The following JAML variants were observed in gnomAD, a reference collection of about 807,000 sequenced individuals.
JAML encodes junctional adhesion molecule-like.
In JAML, 25 loss-of-function variants were observed where a neutral mutation model predicts 39.3. The observed-to-expected ratio is 0.64, with a 90% CI of 0.46 to 0.89. The LOEUF (loss-of-function observed/expected upper bound fraction) is 0.89, where lower values mean the gene tolerates loss of function less well. Ranked by LOEUF, JAML falls within the 40% of genes least tolerant of loss-of-function variation. JAML has a pLI of 0.00. For synonymous variants in JAML, 162 were observed against 179.2 expected (o/e 0.90, Z 0.77); for missense variants, 440 against 486.9 (o/e 0.90, Z 0.91).
chr11:118,204,587 C>G (rs1257291498), intron 5 of JAML: 1 of 152,200 alleles, frequency 6.6e-6, no homozygotes. Context: ...TGCAAGAACA[C>G]TCTTCCCCCT....
intron 4 of JAML, among the ~76,000 whole-genome samples, chr11:118,209,393 G>T (rs147112430): frequency 7.1e-4 from 108 of 152,280 alleles, no homozygotes; most frequent in Non-Finnish European, 1.3e-3. Flanking sequence ...CCCCTGCCCC[G>T]CTCTTACCCT....
chr11:118,216,262 G>A (rs1352201499), intron 1 of JAML, among the ~76,000 whole-genome samples: 1 of 151,942 alleles, frequency 6.6e-6, no homozygotes, highest in African/African-American at 2.4e-5. Flanking sequence ...TCCCAGCTAC[G>A]GGAGGCTGAG....
chr11:118,214,738 T>A, intron 2 of JAML, 86 bp downstream of exon 2: 1 of 1,405,658 alleles, frequency 7.1e-7, no homozygotes. Context: ...CCCAAGGGAA[T>A]CGAAAATATG....
chr11:118,194,217 G>C lies in JAML; in HGVS notation c.*108C>G, dbSNP rs1948604954. 2.1e-6 allele frequency: 2 copies of C among 962,400 alleles called. No homozygotes were observed. The highest frequency in any genetic ancestry group is 1.4e-5 in the South Asian group (1 of 73,666). The allele number at this position is 962,400 out of a possible 1,614,324, so 59.6% of individuals were successfully genotyped here. On this transcript the variant is annotated 3_prime_UTR_variant, in exon 10 of 10. Transcript: ENST00000356289. Reference sequence around the variant, plus strand: ...AGTGTATTGACCAAACAATGAGACAGGAGGACAGCTGGGAGAGCGGGAGTC... The same window carrying C: ...AGTGTATTGACCAAACAATGAGACACGAGGACAGCTGGGAGAGCGGGAGTC...
Position 118,213,258 on chromosome 11 carries a change from T to G in JAML, c.44-697A>C, listed in dbSNP as rs1428873813. 5.9e-6 allele frequency: 7 copies of G among 1,182,178 alleles called. No individual in the cohort carries two copies. The South Asian group carries it at 1.8e-4, about 31-fold the overall frequency. 73.2% of individuals were successfully genotyped at this position (1,182,178 alleles called of 1,614,324 possible). Reference sequence around the variant, plus strand: ...CTACAAGAAAAAACCATTACATGGATATTTCTGTTTTCACAAGATATGCTC... The same window carrying G: ...CTACAAGAAAAAACCATTACATGGAGATTTCTGTTTTCACAAGATATGCTC... On this transcript the variant is annotated intron_variant, in intron 2 of 9. Coordinates refer to ENST00000356289, the MANE Select transcript of JAML (RefSeq NM_001098526.2).
intron 2 of JAML, among the ~76,000 whole-genome samples, chr11:118,214,333 G>T (rs936660056): frequency 2.0e-5 from 3 of 152,252 alleles, no homozygotes; most frequent in East Asian, 1.9e-4. Context: ...AGCATCGGGC[G>T]GGCTTGCTAG....
intron 1 of JAML, among the ~76,000 whole-genome samples, chr11:118,223,443 A>G (rs2368240): frequency 0.09 from 13,772 of 152,244 alleles, 2,085 homozygotes; most frequent in African/African-American, 0.31. Flanking sequence ...TGGATCTAAC[A>G]TTAATAATAT....
intron 7 of JAML, among the ~76,000 whole-genome samples, chr11:118,199,988 G>A (rs1272614948): frequency 3.9e-5 from 6 of 152,150 alleles, no homozygotes; most frequent in Admixed American, 6.5e-5. Flanking sequence ...GAGACACTGC[G>A]CCTGGCCAAA....
At chr11:118,219,046 G>A (rs1164293411) in intron 1 of JAML, among the ~76,000 whole-genome samples, 1 of 151,936 alleles carries the variant, frequency 6.6e-6, no homozygotes, top group African/African-American at 2.4e-5. Context: ...TCCTTCTAGG[G>A]GGTTATAACT....
At chr11:118,198,468 G>T (rs1302366625) in intron 7 of JAML, among the ~76,000 whole-genome samples, 2 of 152,036 alleles carry the variant, frequency 1.3e-5, no homozygotes, top group Non-Finnish European at 2.9e-5. Context: ...AAACCAGCAG[G>T]GGGCAGCAGG....
At chr11:118,202,487 C>G (rs1351441565) in intron 6 of JAML, 3 of 162,206 alleles carry the variant, frequency 1.8e-5, no homozygotes, top group African/African-American at 7.2e-5. Context: ...CACAGGGGGC[C>G]AGATAAGCCC....
At chr11:118,205,002 C>T (rs1199859042) in intron 5 of JAML, 1 of 152,108 alleles carries the variant, frequency 6.6e-6, no homozygotes, top group Non-Finnish European at 1.5e-5. Flanking sequence ...CAATTCTCAT[C>T]CTATTTTCTC....
intron 4 of JAML, among the ~76,000 whole-genome samples, chr11:118,207,560 A>G (rs1224344321): frequency 6.6e-6 from 1 of 152,220 alleles, no homozygotes; most frequent in Non-Finnish European, 1.5e-5. Context: ...AACTATGAAA[A>G]AAAGAATTGA....
chr11:118,216,345 G>A (rs1200133712), intron 1 of JAML, among the ~76,000 whole-genome samples: 1 of 151,046 alleles, frequency 6.6e-6, no homozygotes, highest in Admixed American at 6.6e-5. Flanking sequence ...CTCCAGCCTG[G>A]GCGACAGAGC....
At chr11:118,194,660 A>T (rs1317810573) in intron 9 of JAML, among the ~76,000 whole-genome samples, 1 of 152,222 alleles carries the variant, frequency 6.6e-6, no homozygotes, top group Non-Finnish European at 1.5e-5. Context: ...ACACAGAGTT[A>T]GAATTTGGAC....
At chr11:118,221,530 G>A (rs928386894) in intron 1 of JAML, among the ~76,000 whole-genome samples, 1 of 152,220 alleles carries the variant, frequency 6.6e-6, no homozygotes, top group Non-Finnish European at 1.5e-5. Context: ...ATGCTCCCGT[G>A]AGAATCTAAT....
rs1191588257 is a variant in JAML at position 118,203,868 on chromosome 11, C to G, written c.535-203G>C. On this transcript the variant is annotated intron_variant, in intron 5 of 9. Transcript: ENST00000356289. ...GTACTTGTGAAGGACATCACAAAAC[C>G]ATGAACAGTTTTTCCATCTGAATGG... 1.5e-5 allele frequency: 8 copies of G among 551,224 alleles called. No homozygotes were observed. In the Admixed American group the frequency reaches 2.4e-4, roughly 17 times the overall value. 34.1% of individuals were successfully genotyped at this position (551,224 alleles called of 1,614,324 possible). A position where few individuals can be genotyped will look rare whatever the true frequency, so the allele number is the denominator to read the frequency against.
chr11:118,223,793 T>C (rs2134682760), intron 1 of JAML, among the ~76,000 whole-genome samples: 1 of 152,190 alleles, frequency 6.6e-6, no homozygotes, highest in Non-Finnish European at 1.5e-5. Flanking sequence ...CTCCAAAAAA[T>C]CCATACCCCT....
At chr11:118,196,275 G>T (rs112075626) in intron 9 of JAML, among the ~76,000 whole-genome samples, 58 of 151,694 alleles carry the variant, frequency 3.8e-4, no homozygotes, top group African/African-American at 1.4e-3. Flanking sequence ...TTATAGGCAC[G>T]CATCTCCACA....
Sources: allele counts gnomAD v4.1 joint callset (sites outside exome capture counted in the v4.1 genomes callset), GRCh38; gene constraint gnomAD v4.1.1; transcripts MANE v1.5; gene names NCBI Gene and HGNC (gene_info 2026-07-23, HGNC 2026-07-21).